Variants in HEATR5B observed in about 807,000 individuals in gnomAD.
HEATR5B encodes the protein HEAT repeat containing 5B, also known as HEAT repeat-containing protein 5B.
HEATR5B carries 156 observed loss-of-function variants against 224.1 expected under a neutral mutation model. That is an observed-to-expected ratio of 0.70 (90% CI 0.61 to 0.80). HEATR5B has a LOEUF of 0.80. Ranked by LOEUF, HEATR5B falls within the 30% of genes least tolerant of loss-of-function variation. The pLI is 0.00. For missense variants in HEATR5B, 2,323 were observed against 2,535.5 expected, an observed-to-expected ratio of 0.92 and a Z score of 1.80; for synonymous variants, 1,027 against 893.0, an observed-to-expected ratio of 1.15 and a Z score of -2.68.
In HEATR5B at chr2:37,041,003, T is replaced by C. The variant is rs1207250888; in HGVS notation, c.2856+130A>G. The C allele has an allele frequency of 8.9e-6, 6 of 674,652 alleles. No homozygotes were observed. The East Asian group carries it at 1.4e-4, about 15-fold the overall frequency. 41.8% of individuals were successfully genotyped at this position (674,652 alleles called of 1,614,324 possible). On this transcript the variant is annotated intron_variant, in intron 19 of 35. Coordinates refer to ENST00000233099, the MANE Select transcript of HEATR5B (RefSeq NM_019024.3). ...GGCTGATAAACAAAATCTTGCTATG[T>C]ACTATTACAAAAACAAACCCTAATA...
At chr2:37,071,034 T>C (rs1671873569) in intron 6 of HEATR5B, among the ~76,000 whole-genome samples, 1 of 152,204 alleles carries the variant, frequency 6.6e-6, no homozygotes, top group African/African-American at 2.4e-5. Flanking sequence ...AAAATAGTAG[T>C]AACAGTCCAT....
At chr2:37,046,736 C>T (rs1382268076) in intron 18 of HEATR5B, among the ~76,000 whole-genome samples, 2 of 151,550 alleles carry the variant, frequency 1.3e-5, no homozygotes, top group African/African-American at 4.8e-5. Flanking sequence ...ATTCTAAGTG[C>T]TGTCACAGAA....
intron 18 of HEATR5B, among the ~76,000 whole-genome samples, chr2:37,048,664 G>A (rs916776256): frequency 2.6e-5 from 4 of 152,036 alleles, no homozygotes; most frequent in Admixed American, 2.0e-4. Flanking sequence ...ATAATCAATG[G>A]CAAATATTTG....
chr2:37,019,488 G>A (rs971133483), intron 26 of HEATR5B, among the ~76,000 whole-genome samples: 2 of 145,758 alleles, frequency 1.4e-5, no homozygotes, highest in Admixed American at 6.9e-5. Flanking sequence ...ACAGGGTCTC[G>A]CTCCGTTGCC....
In HEATR5B at chr2:37,060,719, G is replaced by C. The variant is rs1240851855; in HGVS notation, c.1711C>G (p.Arg571Gly). The C allele has an allele frequency of 2.5e-6, 4 of 1,613,018 alleles. No homozygotes were observed. The highest frequency in any genetic ancestry group is 2.7e-5 in the African/African-American group (2 of 74,914). The change falls in exon 12 of 36, where the codon CGT (arginine) becomes GGT (glycine). Residue 571 changes from arginine to glycine, a missense_variant. By Grantham distance (125) the Arg-to-Gly change is moderately radical (BLOSUM62 -2). This residue lies in a region of HEATR5B where 502 missense variants were observed against 517.8 expected (regional missense o/e 0.97). Transcript: ENST00000233099. The stretch of plus-strand genomic sequence containing the variant: ...AACAACATCTTGGGCAGATGGTAAC[G>C]AACGACAGATGGTCCTAGCCAAGAA... Reference protein sequence around the residue: ...ALMTLGPSVVRYHLPKMLLLW... With the variant: ...ALMTLGPSVVGYHLPKMLLLW...
chr2:36,997,752 G>C (rs1666823849), intron 33 of HEATR5B, among the ~76,000 whole-genome samples: 1 of 151,930 alleles, frequency 6.6e-6, no homozygotes, highest in Non-Finnish European at 1.5e-5. Context: ...ATCTTTAGTA[G>C]AGACGGGGTT....
At chr2:37,080,249 T>C (rs1672473301) in intron 2 of HEATR5B, among the ~76,000 whole-genome samples, 1 of 152,208 alleles carries the variant, frequency 6.6e-6, no homozygotes, top group Admixed American at 6.5e-5. Context: ...TATGTCACTC[T>C]CAGTAAGAGA....
chr2:36,996,137 T>TA (rs1223146298), intron 33 of HEATR5B, among the ~76,000 whole-genome samples: 3 of 151,808 alleles, frequency 2.0e-5, no homozygotes, highest in Non-Finnish European at 4.4e-5. Context: ...CTCAGCTCAT[T>TA]ACAACCTCCA....
intron 22 of HEATR5B, among the ~76,000 whole-genome samples, chr2:37,031,728 T>A (rs185594157): frequency 3.3e-4 from 50 of 152,330 alleles, no homozygotes; most frequent in Admixed American, 3.1e-3. Context: ...TATGCTACAA[T>A]TGAAGTTATT....
intron 11 of HEATR5B, among the ~76,000 whole-genome samples, chr2:37,061,540 G>A (rs76278351): frequency 0.034 from 5,232 of 152,244 alleles, 122 homozygotes; most frequent in Non-Finnish European, 0.052. Flanking sequence ...CTACTTAAGA[G>A]TGAAACACAT....
chr2:36,990,768 G>A lies in HEATR5B; in HGVS notation c.5577C>T (p.Ser1859=). ...GGAAGAGTGCAATTGCTGTTAGCAT[G>A]CTTACTTCATCAGGTGTAGGTACAG... ...EDSVPTPDEV[S]MLTAIALFLW... Residue 1859 remains serine (S), a synonymous_variant, in exon 34 of 36, where the codon AGC becomes AGT. Coordinates refer to ENST00000233099, the MANE Select transcript of HEATR5B (RefSeq NM_019024.3). The A allele has an allele frequency of 6.2e-7, 1 of 1,609,488 alleles. No individual in the cohort carries two copies. The highest frequency in any genetic ancestry group is 8.5e-7 in the Non-Finnish European group (1 of 1,177,346).
intron 17 of HEATR5B, among the ~76,000 whole-genome samples, chr2:37,053,264 C>T (rs777096996): frequency 2.6e-5 from 4 of 152,162 alleles, no homozygotes; most frequent in Non-Finnish European, 5.9e-5. Context: ...AATTTATTGG[C>T]ACTTGTAAAA....
At chr2:37,059,444 GTGTA>G (rs1198119436) in intron 12 of HEATR5B, among the ~76,000 whole-genome samples, 158 of 52,600 alleles carry the variant, frequency 3.0e-3, no homozygotes, top group African/African-American at 8.0e-3. Flanking sequence ...GTGTGTGTGT[GTGTA>G]TATATATATA....
chr2:37,018,680 T>A (rs1022170489), intron 26 of HEATR5B, among the ~76,000 whole-genome samples: 8 of 152,148 alleles, frequency 5.3e-5, no homozygotes, highest in African/African-American at 1.9e-4. Flanking sequence ...GGCCATGGAT[T>A]CTAAGCAAAA....
intron 33 of HEATR5B, among the ~76,000 whole-genome samples, chr2:36,991,256 G>C (rs961281809): frequency 6.6e-6 from 1 of 152,156 alleles, no homozygotes; most frequent in Non-Finnish European, 1.5e-5. Flanking sequence ...GTTGGGTGCA[G>C]TGGCTCACGC....
intron 16 of HEATR5B, among the ~76,000 whole-genome samples, chr2:37,055,426 C>T (rs1372289632): frequency 6.6e-6 from 1 of 152,066 alleles, no homozygotes; most frequent in East Asian, 1.9e-4. Context: ...AAACCAAACT[C>T]TTAGATATGG....
At chr2:37,005,868 T>C in intron 29 of HEATR5B, 109 bp from the exon 30 acceptor site, 2 of 804,514 alleles carry the variant, frequency 2.5e-6, no homozygotes, top group Non-Finnish European at 3.7e-6. Flanking sequence ...TTAACATGTA[T>C]TTATTAATAC....
At chr2:37,059,081 C>T (rs1383389170) in intron 12 of HEATR5B, 94 bp from the exon 13 acceptor site, 1 of 700,750 alleles carries the variant, frequency 1.4e-6, no homozygotes, top group African/African-American at 1.8e-5. Context: ...AGTTGTAATA[C>T]TTAATTATTA....
intron 23 of HEATR5B, 73 bp from the exon 24 acceptor site, chr2:37,028,247 T>A: frequency 1.1e-6 from 1 of 919,220 alleles, no homozygotes; most frequent in Non-Finnish European, 1.5e-6. Context: ...TTATTAATAT[T>A]AAAATTTTTT....
Sources: allele counts gnomAD v4.1 joint callset (sites outside exome capture counted in the v4.1 genomes callset), GRCh38; gene constraint gnomAD v4.1.1; regional missense constraint gnomAD v4.1.1; transcripts MANE v1.5; gene names NCBI Gene and HGNC (gene_info 2026-07-23, HGNC 2026-07-21).